The following GUCY1A2 variants were observed in gnomAD, a reference collection of about 807,000 sequenced individuals.
GUCY1A2 encodes the protein guanylate cyclase soluble subunit alpha-2.
In GUCY1A2, 27 loss-of-function variants were observed where a neutral mutation model predicts 63.5. The ratio of observed to expected loss-of-function variants is 0.43; its 90% CI spans 0.31 to 0.59. GUCY1A2 has a LOEUF of 0.59. Ranked by LOEUF, GUCY1A2 falls within the 20% of genes least tolerant of loss-of-function variation. GUCY1A2 has a pLI of 0.11. For synonymous variants in GUCY1A2, 364 were observed against 343.5 expected (o/e 1.06, Z -0.66); for missense variants, 768 against 913.3 (o/e 0.84, Z 2.05).
chr11:106,786,706 T>C (rs915915187), intron 5 of GUCY1A2, among the ~76,000 whole-genome samples: 1 of 152,216 alleles, frequency 6.6e-6, no homozygotes, highest in Non-Finnish European at 1.5e-5. Flanking sequence ...GACAGTCCTG[T>C]AAGATCTTCA....
intron 4 of GUCY1A2, among the ~76,000 whole-genome samples, chr11:106,870,897 T>C (rs1859668043): frequency 6.6e-6 from 1 of 152,138 alleles, no homozygotes; most frequent in African/African-American, 2.4e-5. Flanking sequence ...TTCCCAGGTT[T>C]CTTCCCCCTA....
At chr11:106,885,943 C>T (rs979989915) in intron 4 of GUCY1A2, among the ~76,000 whole-genome samples, 1 of 152,094 alleles carries the variant, frequency 6.6e-6, no homozygotes, top group Non-Finnish European at 1.5e-5. Flanking sequence ...ACATATATCC[C>T]CCTACACATA....
chr11:106,923,143 T>A (rs750998745), intron 4 of GUCY1A2, among the ~76,000 whole-genome samples: 41 of 152,222 alleles, frequency 2.7e-4, no homozygotes, highest in Admixed American at 7.9e-4. Context: ...TGGAGAAATA[T>A]TGTTTAAGTA....
At chr11:106,842,772 T>C (rs936071668) in intron 4 of GUCY1A2, among the ~76,000 whole-genome samples, 1 of 151,890 alleles carries the variant, frequency 6.6e-6, no homozygotes, top group Non-Finnish European at 1.5e-5. Flanking sequence ...TGTTAGAATG[T>C]AGATTTTGAT....
chr11:106,907,867 T>C (rs1253536921), intron 4 of GUCY1A2, among the ~76,000 whole-genome samples: 2 of 152,064 alleles, frequency 1.3e-5, no homozygotes, highest in Non-Finnish European at 1.5e-5. Flanking sequence ...AATAAACATA[T>C]GTGTGCATGG....
chr11:106,687,332 A>G lies in GUCY1A2; in HGVS notation c.*217T>C, dbSNP rs1862543376. 1 of 561,674 alleles carries G rather than the reference A, an allele frequency of 1.8e-6. No homozygotes were observed. The highest frequency in any genetic ancestry group is 3.2e-6 in the Non-Finnish European group (1 of 313,402). 34.8% of individuals were successfully genotyped at this position (561,674 alleles called of 1,614,324 possible). A position where few individuals can be genotyped will look rare whatever the true frequency, so the allele number is the denominator to read the frequency against. ...TGTATATATATGACCAAAACCACTC[A>G]TATGAATGGACACATCTTATTTCCC... On this transcript the variant is annotated 3_prime_UTR_variant, in exon 8 of 8. Coordinates refer to ENST00000526355, the MANE Select transcript of GUCY1A2 (RefSeq NM_000855.3).
chr11:106,737,091 C>G (rs952204410), intron 6 of GUCY1A2, among the ~76,000 whole-genome samples: 6 of 152,136 alleles, frequency 3.9e-5, no homozygotes, highest in African/African-American at 1.4e-4. Context: ...TTTGGTAACT[C>G]AAACTGTCAT....
chr11:106,908,854 C>G (rs1860251142), intron 4 of GUCY1A2, among the ~76,000 whole-genome samples: 2 of 151,898 alleles, frequency 1.3e-5, no homozygotes, highest in Admixed American at 6.6e-5. Context: ...AGGCTGGGGT[C>G]TGAGCTACCC....
rs1863002104 is a variant in GUCY1A2, at chr11:106,709,433, ATATATAATAATATATATTCTATATT to A, written c.1837-792_1837-768del. Among the ~76,000 whole-genome samples the A allele has an allele frequency of 4.5e-5, 4 of 89,242 alleles. No homozygotes were observed. In the Admixed American group the frequency reaches 7.5e-4, roughly 17 times the overall value. 58.5% of individuals were successfully genotyped at this position (89,242 alleles called of 152,430 possible). ...TACTATGTATATATTATATATAAGT[ATATATAATAATATATATTCTATATT>A]TATAGAATAATATATATTATTATAT... On this transcript the variant is annotated intron_variant, in intron 6 of 7. Transcript: ENST00000526355.
intron 4 of GUCY1A2, among the ~76,000 whole-genome samples, chr11:106,910,952 T>G (rs1035402624): frequency 6.6e-6 from 1 of 152,174 alleles, no homozygotes; most frequent in Middle Eastern, 3.4e-3. Flanking sequence ...GTTATCTGAT[T>G]GTGCCCTTAG....
intron 4 of GUCY1A2, among the ~76,000 whole-genome samples, chr11:106,866,404 T>C (rs188005005): frequency 1.3e-5 from 2 of 152,066 alleles, no homozygotes; most frequent in African/African-American, 4.8e-5. Flanking sequence ...CTTCAATGCA[T>C]GACTTGAGAC....
intron 3 of GUCY1A2, among the ~76,000 whole-genome samples, chr11:106,955,768 T>C (rs905984043): frequency 6.6e-6 from 1 of 152,114 alleles, no homozygotes; most frequent in African/African-American, 2.4e-5. Flanking sequence ...CTGATAATTA[T>C]GTGTCTTGGG....
intron 4 of GUCY1A2, among the ~76,000 whole-genome samples, chr11:106,831,796 C>T (rs909239256): frequency 4.6e-5 from 7 of 152,134 alleles, no homozygotes; most frequent in Non-Finnish European, 7.4e-5. Flanking sequence ...TGGGATTTCA[C>T]GATTGTTTGT....
intron 6 of GUCY1A2, among the ~76,000 whole-genome samples, chr11:106,713,553 C>T (rs965275392): frequency 7.3e-5 from 9 of 122,718 alleles, no homozygotes; most frequent in African/African-American, 2.9e-4. Flanking sequence ...GTTGCCCAGG[C>T]TGGAGTGCAG....
intron 3 of GUCY1A2, among the ~76,000 whole-genome samples, chr11:106,943,259 G>A (rs769736564): frequency 1.3e-5 from 2 of 152,152 alleles, no homozygotes; most frequent in Non-Finnish European, 2.9e-5. Flanking sequence ...GCCTACGATT[G>A]ACGCAAACCC....
intron 4 of GUCY1A2, among the ~76,000 whole-genome samples, chr11:106,836,366 G>A (rs1351552786): frequency 1.3e-5 from 2 of 151,906 alleles, no homozygotes; most frequent in African/African-American, 4.8e-5. Context: ...AAAATCAAAA[G>A]AGAAAATACA....
chr11:106,675,641 C>G lies in GUCY1A2; in HGVS notation c.*11908G>C, dbSNP rs1465434757. On this transcript the variant is annotated 3_prime_UTR_variant, in exon 8 of 8. Coordinates refer to ENST00000526355, the MANE Select transcript of GUCY1A2 (RefSeq NM_000855.3). The stretch of plus-strand genomic sequence containing the variant: ...TTACAATCATTATTAAAATATTTCC[C>G]TAAAGAAATACAAATGGTAAAGGTA... The G allele has an allele frequency of 5.3e-6, 1 of 187,022 alleles. No individual in the cohort carries two copies. The highest frequency in any genetic ancestry group is 1.1e-5 in the Non-Finnish European group (1 of 88,682). 11.6% of individuals were successfully genotyped at this position (187,022 alleles called of 1,614,324 possible). A position where few individuals can be genotyped will look rare whatever the true frequency, so the allele number is the denominator to read the frequency against.
intron 2 of GUCY1A2, among the ~76,000 whole-genome samples, chr11:106,983,731 C>G (rs1279891093): frequency 6.6e-6 from 1 of 152,212 alleles, no homozygotes; most frequent in Non-Finnish European, 1.5e-5. Flanking sequence ...TTCAAGACAG[C>G]TTTAAGCAAG....
At chr11:106,747,374 AAC>A (rs1171353687) in intron 6 of GUCY1A2, among the ~76,000 whole-genome samples, 1 of 152,244 alleles carries the variant, frequency 6.6e-6, no homozygotes, top group Admixed American at 6.5e-5. Flanking sequence ...TGTAGTAGGC[AAC>A]ACTTTGCGAA....
Sources: allele counts gnomAD v4.1 joint callset (sites outside exome capture counted in the v4.1 genomes callset), GRCh38; gene constraint gnomAD v4.1.1; transcripts MANE v1.5; gene names NCBI Gene and HGNC (gene_info 2026-07-23, HGNC 2026-07-21).